The following KLHL1 variants were observed in gnomAD, a reference collection of about 807,000 sequenced individuals.
The protein encoded by KLHL1 is kelch like family member 1, also known as kelch-like protein 1.
KLHL1 carries 47 observed loss-of-function variants against 77.7 expected under a neutral mutation model. The observed-to-expected ratio is 0.60, with a 90% CI of 0.48 to 0.77. The LOEUF is 0.77. KLHL1 is among the 30% of genes least tolerant of loss of function. The probability of loss-of-function intolerance (pLI) is 0.00; values close to 1 mark genes in which losing one functional copy is unlikely to be tolerated. For missense variants in KLHL1, 925 were observed against 910.8 expected, an observed-to-expected ratio of 1.02 and a Z score of -0.20; for synonymous variants, 360 against 325.2, an observed-to-expected ratio of 1.11 and a Z score of -1.15.
At chr13:69,846,730 C>T (rs1168633817) in intron 5 of KLHL1, among the ~76,000 whole-genome samples, 1 of 150,560 alleles carries the variant, frequency 6.6e-6, no homozygotes, top group Non-Finnish European at 1.5e-5. Context: ...CATTGAACCA[C>T]ATGATCAAAA....
intron 5 of KLHL1, among the ~76,000 whole-genome samples, chr13:69,844,761 GTTTTTTAT>G (rs1244701343): frequency 1.1e-4 from 16 of 146,314 alleles, no homozygotes; most frequent in South Asian, 1.1e-3. Context: ...TTTCTTCTGG[GTTTTTTAT>G]TTATTTATTT....
At chr13:69,804,869 T>C (rs993140) in intron 6 of KLHL1, among the ~76,000 whole-genome samples, 75,965 of 151,890 alleles carry the variant, frequency 0.5, 20,298 homozygotes, top group African/African-American at 0.69. Context: ...AATAGTGAGA[T>C]GCATTTTGGA....
chr13:69,700,923 C>G lies in KLHL1; in HGVS notation c.*779G>C, dbSNP rs138920612. The G allele has an allele frequency of 1.3e-5, 2 of 152,336 alleles. No homozygotes were observed. Among genetic ancestry groups the G allele is most frequent in the Non-Finnish European group, 2.9e-5 (2 of 67,842 alleles). The allele number at this position is 152,336 out of a possible 1,614,324, so 9.4% of individuals were successfully genotyped here. The stretch of plus-strand genomic sequence containing the variant: ...AGAATCACTAGCTTCCATGCTTACA[C>G]TGAACTCAACATAAGGCAAAAGCCC... On this transcript the variant is annotated 3_prime_UTR_variant, in exon 11 of 11. Coordinates refer to ENST00000377844, the MANE Select transcript of KLHL1 (RefSeq NM_020866.3).
At chr13:70,020,631 C>G (rs73516708) in intron 1 of KLHL1, among the ~76,000 whole-genome samples, 1 of 152,018 alleles carries the variant, frequency 6.6e-6, no homozygotes, top group African/African-American at 2.4e-5. Context: ...TACCTTTTAT[C>G]TATGATTCCC....
chr13:69,728,921 G>A (rs1873420209), intron 8 of KLHL1, among the ~76,000 whole-genome samples: 1 of 152,084 alleles, frequency 6.6e-6, no homozygotes, highest in Admixed American at 6.6e-5. Context: ...TCTTAAGGGG[G>A]TGGTACTACA....
intron 6 of KLHL1, among the ~76,000 whole-genome samples, chr13:69,827,635 T>C (rs1454370206): frequency 6.8e-6 from 1 of 146,324 alleles, no homozygotes; most frequent in East Asian, 2.0e-4. Context: ...GAGGCTGAGG[T>C]AGGGGAATCT....
chr13:69,796,685 T>A, intron 7 of KLHL1, 53 bp downstream of exon 7: 3 of 1,251,830 alleles, frequency 2.4e-6, no homozygotes, highest in Non-Finnish European at 3.5e-6. Context: ...ATCATATAGT[T>A]ACATTATCAA....
Position 70,019,467 on chromosome 13 carries a change from C to T in KLHL1, c.498-43665G>A, listed in dbSNP as rs1885737164. Among the ~76,000 whole-genome samples the T allele has an allele frequency of 2.7e-5, 3 of 109,630 alleles. No individual in the cohort carries two copies. In the South Asian group the frequency reaches 9.4e-4, roughly 34 times the overall value. The allele number at this position is 109,630 out of a possible 152,430, so 71.9% of individuals were successfully genotyped here. A position where few individuals can be genotyped will look rare whatever the true frequency, so the allele number is the denominator to read the frequency against. On this transcript the variant is annotated intron_variant, in intron 1 of 10. Coordinates refer to ENST00000377844, the MANE Select transcript of KLHL1 (RefSeq NM_020866.3). ...GTGAAGAGGCAGGTACTATTATTTG[C>T]TGATAGTGAGGGGCTAGTGGGAGGG...
chr13:70,009,881 C>T (rs796274277), intron 1 of KLHL1, among the ~76,000 whole-genome samples: 1 of 151,298 alleles, frequency 6.6e-6, no homozygotes, highest in African/African-American at 2.4e-5. Flanking sequence ...AGAAAAAAAA[C>T]CAAGTTGTGA....
chr13:69,854,091 T>C (rs936539844), intron 5 of KLHL1, among the ~76,000 whole-genome samples: 15 of 152,098 alleles, frequency 9.9e-5, no homozygotes, highest in African/African-American at 3.6e-4. Context: ...TTGTAATCCA[T>C]AAAGTCTTTG....
intron 4 of KLHL1, among the ~76,000 whole-genome samples, chr13:69,935,269 T>C (rs1883150038): frequency 6.6e-6 from 1 of 151,448 alleles, no homozygotes; most frequent in African/African-American, 2.4e-5. Flanking sequence ...CACCTACTGG[T>C]GAACTTGGTA....
chr13:69,719,183 C>CGT (rs761517378), intron 9 of KLHL1, among the ~76,000 whole-genome samples, 186 bp downstream of exon 9: 14,133 of 103,422 alleles, frequency 0.14, 1,014 homozygotes, highest in African/African-American at 0.25. Flanking sequence ...AAAGAAAGTA[C>CGT]GTGTGTGTGT....
chr13:69,784,882 ATTTTTTTTTTT>A lies in KLHL1; in HGVS notation c.1639+11845_1639+11855del, dbSNP rs775109435. Among the ~76,000 whole-genome samples the A allele has an allele frequency of 2.3e-4, 18 of 79,502 alleles. No homozygotes were observed. In the East Asian group the frequency reaches 2.9e-3, roughly 13 times the overall value. 52.2% of individuals were successfully genotyped at this position (79,502 alleles called of 152,430 possible). On this transcript the variant is annotated intron_variant, in intron 7 of 10. Transcript: ENST00000377844. The stretch of plus-strand genomic sequence containing the variant: ...TCCACCCCAAATCAACAGAATATAC[ATTTTTTTTTTT>A]TTTTTTTTTTTTTTGAGACAGAGTC...
At chr13:69,714,894 G>A (rs1055128204) in intron 9 of KLHL1, among the ~76,000 whole-genome samples, 7 of 152,008 alleles carry the variant, frequency 4.6e-5, no homozygotes, top group African/African-American at 9.7e-5. Context: ...GCACCCGGCC[G>A]ATATCCTTCT....
intron 1 of KLHL1, among the ~76,000 whole-genome samples, chr13:70,088,046 G>T (rs960797222): frequency 1.3e-4 from 20 of 152,132 alleles, no homozygotes; most frequent in African/African-American, 4.8e-4. Flanking sequence ...TAATAAACCT[G>T]CATGTCCTGC....
intron 4 of KLHL1, among the ~76,000 whole-genome samples, chr13:69,882,743 A>C (rs149764994): frequency 6.6e-6 from 1 of 152,342 alleles, no homozygotes; most frequent in Non-Finnish European, 1.5e-5. Context: ...TTTGTTATGC[A>C]GGCAGAATGT....
intron 1 of KLHL1, among the ~76,000 whole-genome samples, chr13:70,048,287 T>C (rs1428469113): frequency 6.6e-6 from 1 of 152,196 alleles, no homozygotes; most frequent in African/African-American, 2.4e-5. Context: ...GCTTAGAATA[T>C]ACAACTACCC....
chr13:70,102,451 T>G (rs1887943902), intron 1 of KLHL1, among the ~76,000 whole-genome samples: 1 of 152,204 alleles, frequency 6.6e-6, no homozygotes, highest in Admixed American at 6.5e-5. Context: ...TCTAGAATTT[T>G]TCCATCACTG....
intron 7 of KLHL1, among the ~76,000 whole-genome samples, chr13:69,787,397 C>T (rs932273559): frequency 6.6e-6 from 1 of 152,296 alleles, no homozygotes; most frequent in East Asian, 1.9e-4. Flanking sequence ...CTGACAAAAA[C>T]AAGCAATGGG....
Sources: gnomAD v4.1 joint callset for allele counts (sites outside exome capture counted in the v4.1 genomes callset) on GRCh38, gnomAD v4.1.1 for gene constraint, MANE v1.5 for transcripts, NCBI Gene and HGNC (gene_info 2026-07-23, HGNC 2026-07-21) for gene names.